The following ATRNL1 variants were observed in gnomAD, a reference collection of about 807,000 sequenced individuals.
The protein encoded by ATRNL1 is attractin like 1.
ATRNL1 carries 95 observed loss-of-function variants against 182.7 expected under a neutral mutation model. The ratio of observed to expected loss-of-function variants is 0.52; its 90% CI spans 0.44 to 0.62. The LOEUF (loss-of-function observed/expected upper bound fraction) is 0.62, where lower values mean the gene tolerates loss of function less well. Ranked by LOEUF, ATRNL1 falls within the 20% of genes least tolerant of loss-of-function variation. ATRNL1 has a pLI of 0.00. For missense variants in ATRNL1, 1,471 were observed against 1,679.5 expected (o/e 0.88, Z 2.17); for synonymous variants, 576 against 568.3 (o/e 1.01, Z -0.19).
chr10:115,774,454 A>G (rs1949071947), intron 27 of ATRNL1, among the ~76,000 whole-genome samples: 1 of 133,376 alleles, frequency 7.5e-6, no homozygotes, highest in African/African-American at 2.8e-5. Flanking sequence ...AAAAAAAAAA[A>G]TTAGATTAGT....
rs370866861 is a variant in ATRNL1, at chr10:115,298,342, A to T, written c.2416-1692A>T. 7.9e-4 allele frequency among the ~76,000 whole-genome samples: 121 copies of T among 152,298 alleles called. 2 individuals are homozygous for T. In the South Asian group the frequency reaches 0.024, roughly 31 times the overall value. ...ATAGTTATTTATCTTACATAAGATAATGAACTGCCTGTCCAGTTCATTTAC... is the reference window on the plus strand; with the variant it reads ...ATAGTTATTTATCTTACATAAGATATTGAACTGCCTGTCCAGTTCATTTAC... On this transcript the variant is annotated intron_variant, in intron 15 of 28. Coordinates refer to ENST00000355044, the MANE Select transcript of ATRNL1 (RefSeq NM_207303.4).
At chr10:115,462,137 G>A (rs1167803713) in intron 22 of ATRNL1, 102 bp downstream of exon 22, 4 of 685,078 alleles carry the variant, frequency 5.8e-6, no homozygotes, top group African/African-American at 3.7e-5. Flanking sequence ...ACATTGTAGG[G>A]CCTTTGTAGA....
At chr10:115,434,708 C>T (rs1846320780) in intron 21 of ATRNL1, among the ~76,000 whole-genome samples, 1 of 151,942 alleles carries the variant, frequency 6.6e-6, no homozygotes, top group Non-Finnish European at 1.5e-5. Flanking sequence ...TCAATTTTTT[C>T]TGAAAGGCAT....
At chr10:115,684,573 G>T (rs1423551554) in intron 26 of ATRNL1, among the ~76,000 whole-genome samples, 1 of 151,020 alleles carries the variant, frequency 6.6e-6, no homozygotes, top group African/African-American at 2.4e-5. Flanking sequence ...GCTAATTATT[G>T]TCCATAATAT....
Position 115,495,338 on chromosome 10 carries a change from G to A in ATRNL1, c.3655-23925G>A, listed in dbSNP as rs537701202. The stretch of plus-strand genomic sequence containing the variant: ...ATCCTTCAGTTGAGTTCTGATTTTG[G>A]TTACTTCTTATCTTCTGCTAGCTTT... On this transcript the variant is annotated intron_variant, in intron 24 of 28. Coordinates refer to ENST00000355044, the MANE Select transcript of ATRNL1 (RefSeq NM_207303.4). Among the ~76,000 whole-genome samples the A allele has an allele frequency of 5.3e-5, 8 of 151,912 alleles. No homozygotes were observed. The East Asian group carries it at 1.5e-3, about 29-fold the overall frequency.
chr10:115,810,954 G>A (rs1196979146), intron 27 of ATRNL1, among the ~76,000 whole-genome samples: 1 of 151,538 alleles, frequency 6.6e-6, no homozygotes, highest in Non-Finnish European at 1.5e-5. Flanking sequence ...TGGGCTTTAT[G>A]GATTTTTTCC....
intron 26 of ATRNL1, among the ~76,000 whole-genome samples, chr10:115,628,000 A>C (rs1183370978): frequency 6.6e-6 from 1 of 152,042 alleles, no homozygotes; most frequent in African/African-American, 2.4e-5. Context: ...TACAAAAATT[A>C]GCTGGGCATG....
intron 10 of ATRNL1, among the ~76,000 whole-genome samples, chr10:115,254,096 A>G (rs1851006882): frequency 2.0e-5 from 3 of 152,198 alleles, no homozygotes; most frequent in Admixed American, 2.0e-4. Context: ...CAGTAAACAT[A>G]TGTGTGCATG....
intron 26 of ATRNL1, among the ~76,000 whole-genome samples, chr10:115,708,682 A>C (rs1946972336): frequency 6.6e-6 from 1 of 151,714 alleles, no homozygotes; most frequent in Admixed American, 6.6e-5. Flanking sequence ...AAATGTTTTA[A>C]GTCAGCAGTA....
At chr10:115,180,190 AT>A (rs1369963189) in intron 8 of ATRNL1, among the ~76,000 whole-genome samples, 121 of 151,834 alleles carry the variant, frequency 8.0e-4, no homozygotes, top group African/African-American at 2.6e-3. Flanking sequence ...AAAATTGTTG[AT>A]TTTTTTCAAC....
intron 28 of ATRNL1, among the ~76,000 whole-genome samples, chr10:115,892,723 CA>C (rs1952109905): frequency 6.6e-6 from 1 of 152,060 alleles, no homozygotes; most frequent in Admixed American, 6.6e-5. Flanking sequence ...CATTCATGAT[CA>C]GGGAATATTT....
chr10:115,476,128 T>A (rs1848519955), intron 24 of ATRNL1, among the ~76,000 whole-genome samples: 1 of 151,366 alleles, frequency 6.6e-6, no homozygotes, highest in Non-Finnish European at 1.5e-5. Flanking sequence ...TTCATTTTTA[T>A]TTAGTCCAAA....
At chr10:115,703,150 G>A (rs528666197) in intron 26 of ATRNL1, among the ~76,000 whole-genome samples, 2 of 151,930 alleles carry the variant, frequency 1.3e-5, no homozygotes, top group Non-Finnish European at 2.9e-5. Flanking sequence ...AAAAAAATAA[G>A]CAATGAATAA....
At chr10:115,329,008 A>T (rs1447584369) in intron 18 of ATRNL1, among the ~76,000 whole-genome samples, 2 of 152,038 alleles carry the variant, frequency 1.3e-5, no homozygotes. Flanking sequence ...TGGATCATAT[A>T]GTATTATATT....
chr10:115,819,363 A>G (rs1289628378), intron 27 of ATRNL1, among the ~76,000 whole-genome samples: 1 of 152,126 alleles, frequency 6.6e-6, no homozygotes, highest in Non-Finnish European at 1.5e-5. Flanking sequence ...TCTATCTAGA[A>G]TATTTTCACT....
At chr10:115,170,743 T>A (rs1206111449) in intron 7 of ATRNL1, among the ~76,000 whole-genome samples, 1 of 152,122 alleles carries the variant, frequency 6.6e-6, no homozygotes, top group African/African-American at 2.4e-5. Flanking sequence ...AGTTTAGTGT[T>A]CTCTTACTGT....
rs527531414 is a variant in ATRNL1, at chr10:115,689,300, CTTGAGATGCATCATTAGATTG to C, written c.3796-37936_3796-37916del. 2.0e-4 allele frequency among the ~76,000 whole-genome samples: 30 copies of C among 152,174 alleles called. No homozygotes were observed. In the South Asian group the frequency reaches 6.0e-3, roughly 30 times the overall value. The stretch of plus-strand genomic sequence containing the variant: ...TGGTTTGTTCTTGATTTTCTAGCTC[CTTGAGATGCATCATTAGATTG>C]TTGAGATGCATTATTAGATTGTTTA... On this transcript the variant is annotated intron_variant, in intron 26 of 28. Coordinates refer to ENST00000355044, the MANE Select transcript of ATRNL1 (RefSeq NM_207303.4).
At chr10:115,515,069 C>T in intron 24 of ATRNL1, among the ~76,000 whole-genome samples, 1 of 152,028 alleles carries the variant, frequency 6.6e-6, no homozygotes, top group East Asian at 1.9e-4. Context: ...AGGATCCCTT[C>T]AACTAACCTA....
chr10:115,463,747 T>C (rs1847925423), intron 22 of ATRNL1, among the ~76,000 whole-genome samples: 1 of 152,080 alleles, frequency 6.6e-6, no homozygotes, highest in Non-Finnish European at 1.5e-5. Context: ...CATATAAATG[T>C]AATCATTTGT....
Sources: gnomAD v4.1 joint callset for allele counts (sites outside exome capture counted in the v4.1 genomes callset) on GRCh38, gnomAD v4.1.1 for gene constraint, MANE v1.5 for transcripts, NCBI Gene and HGNC (gene_info 2026-07-23, HGNC 2026-07-21) for gene names.